Variants in NTMT1 observed in about 807,000 individuals in gnomAD.
The protein encoded by NTMT1 is N-terminal Xaa-Pro-Lys N-methyltransferase 1.
In NTMT1, 8 loss-of-function variants were observed where a neutral mutation model predicts 17.5. The observed-to-expected ratio is 0.46, with a 90% CI of 0.27 to 0.82. The LOEUF is 0.82. NTMT1 is among the 40% of genes least tolerant of loss of function. The pLI is 0.15. For synonymous variants in NTMT1, 128 were observed against 126.8 expected (o/e 1.01, Z -0.06); for missense variants, 221 against 303.5 (o/e 0.73, Z 2.02).
At chr9:129,612,567 C>T (rs1830143883) in intron 1 of NTMT1, 1 of 774,150 alleles carries the variant, frequency 1.3e-6, no homozygotes, top group Non-Finnish European at 2.1e-6. Context: ...CTGTCAGCCC[C>T]ATTTTAAAAG....
In NTMT1 at chr9:129,632,681, G is replaced by A; in HGVS notation, c.-23G>A. 1 of 1,613,128 alleles carries A rather than the reference G, an allele frequency of 6.2e-7. No homozygotes were observed. Among genetic ancestry groups the A allele is most frequent in the Non-Finnish European group, 8.5e-7 (1 of 1,179,204 alleles). On this transcript the variant is annotated 5_prime_UTR_variant, in exon 2 of 4. Coordinates refer to ENST00000372483, the MANE Select transcript of NTMT1 (RefSeq NM_014064.4). The stretch of plus-strand genomic sequence containing the variant: ...CGCGGTTGCTGATCGTGGTGCTTGA[G>A]TAGAGCCGTGGTTGGTGACAGCATG...
chr9:129,624,199 G>C (rs1830826539), upstream of NTMT1, among the ~76,000 whole-genome samples: 1 of 152,216 alleles, frequency 6.6e-6, no homozygotes, highest in Admixed American at 6.5e-5. Context: ...CAGAGGCTTT[G>C]AGGTCAGGGA....
At chr9:129,623,504 T>TCATA (rs974277304), upstream of NTMT1, among the ~76,000 whole-genome samples, 2 of 152,178 alleles carry the variant, frequency 1.3e-5, no homozygotes, top group African/African-American at 2.4e-5. Flanking sequence ...GAGAGGAAGC[T>TCATA]CATAGTATTG....
chr9:129,611,295 T>C (rs1830109460), intron 1 of NTMT1, among the ~76,000 whole-genome samples: 1 of 152,208 alleles, frequency 6.6e-6, no homozygotes, highest in South Asian at 2.1e-4. Context: ...TGGGGGCCAC[T>C]GACAGCTTCA....
intron 1 of NTMT1, among the ~76,000 whole-genome samples, chr9:129,632,388 G>A (rs1270128475): frequency 6.6e-6 from 1 of 152,180 alleles, no homozygotes; most frequent in East Asian, 1.9e-4. Flanking sequence ...AGGCTGCATT[G>A]AGCTATGATC....
At chr9:129,623,823 CTTTTCT>C (rs960014509), upstream of NTMT1, among the ~76,000 whole-genome samples, 26 of 107,818 alleles carry the variant, frequency 2.4e-4, 1 homozygote, top group African/African-American at 7.2e-4. Flanking sequence ...TTTTTCTTTT[CTTTTCT>C]TTTTTTTTTT....
rs374358828 is a variant in NTMT1, at chr9:129,609,888, G to A, written c.-55+710G>A. ...ACCCCGTGAGAGGCCGTGTATGTGTGAGGTCGGCCTGTGTTCACCGGCTGT... is the reference window on the plus strand; with the variant it reads ...ACCCCGTGAGAGGCCGTGTATGTGTAAGGTCGGCCTGTGTTCACCGGCTGT... On this transcript the variant is annotated intron_variant, in intron 1 of 3. Transcript: ENST00000372486. 9.9e-5 allele frequency among the ~76,000 whole-genome samples: 15 copies of A among 152,118 alleles called. No individual in the cohort carries two copies. In the South Asian group the frequency reaches 2.5e-3, roughly 25 times the overall value.
chr9:129,615,330 AAGGAGGCCAGTTC>A (rs1830309979), intron 1 of NTMT1, among the ~76,000 whole-genome samples: 1 of 152,170 alleles, frequency 6.6e-6, no homozygotes, highest in Non-Finnish European at 1.5e-5. Flanking sequence ...GACATCCTCC[AAGGAGGCCAGTTC>A]AGGCACATCC....
chr9:129,627,370 T>G (rs1292145774), intron 1 of NTMT1, among the ~76,000 whole-genome samples: 1 of 152,174 alleles, frequency 6.6e-6, no homozygotes, highest in African/African-American at 2.4e-5. Context: ...CAATACAGCT[T>G]CTGTGGCATT....
intron 1 of NTMT1, among the ~76,000 whole-genome samples, chr9:129,610,959 A>C (rs999472036): frequency 2.0e-5 from 3 of 152,158 alleles, no homozygotes; most frequent in African/African-American, 7.2e-5. Context: ...CCTTCCTTCC[A>C]GTTACCTCCA....
At chr9:129,611,566 C>A (rs552475898) in intron 1 of NTMT1, among the ~76,000 whole-genome samples, 2 of 152,258 alleles carry the variant, frequency 1.3e-5, no homozygotes, top group Admixed American at 1.3e-4. Flanking sequence ...CTTCCCTCGG[C>A]TGGAGTCTGG....
chr9:129,610,771 G>C (rs1488121373), intron 1 of NTMT1, among the ~76,000 whole-genome samples: 7 of 152,184 alleles, frequency 4.6e-5, no homozygotes, highest in Non-Finnish European at 8.8e-5. Flanking sequence ...GCGACCCTTG[G>C]GGTAAACTGA....
chr9:129,620,458 C>A lies in NTMT1; in HGVS notation c.-55+11280C>A. On this transcript the variant is annotated intron_variant, in intron 1 of 3. Transcript: ENST00000372486. This position sits in a 1 kb window ranked among gnomAD's most constrained non-coding sequence, Gnocchi z 5.8. ...CCCGCGCGCCCAGAGCCGCTCGGAG[C>A]GCGGGCGGGGTCAGCTTGGGCAGCC... The A allele has an allele frequency of 1.5e-6, 2 of 1,330,090 alleles. No individual in the cohort carries two copies. The highest frequency in any genetic ancestry group is 3.5e-5 in the Admixed American group (1 of 28,698). 82.4% of individuals were successfully genotyped at this position (1,330,090 alleles called of 1,614,324 possible). A position where few individuals can be genotyped will look rare whatever the true frequency, so the allele number is the denominator to read the frequency against.
rs201998020 is a variant in NTMT1 at position 129,632,659 on chromosome 9, G to T, written c.-45G>T. ...CCCCTTCCTTACCCAGGAGAGTCGC[G>T]GTTGCTGATCGTGGTGCTTGAGTAG... On this transcript the variant is annotated 5_prime_UTR_variant, in exon 2 of 4. Coordinates refer to ENST00000372483, the MANE Select transcript of NTMT1 (RefSeq NM_014064.4). 395 of 1,607,526 alleles carry T rather than the reference G, an allele frequency of 2.5e-4. No homozygotes were observed. Among genetic ancestry groups the T allele is most frequent in the Admixed American group, 1.9e-3 (114 of 59,840 alleles).
chr9:129,615,551 G>C (rs1329263599), intron 1 of NTMT1: 9 of 1,610,760 alleles, frequency 5.6e-6, no homozygotes, highest in Non-Finnish European at 7.6e-6. Context: ...ATCGCACCCG[G>C]AAAGGGCAAC....
At chr9:129,633,930 C>A in intron 2 of NTMT1, 124 bp from the exon 3 acceptor site, 2 of 1,135,798 alleles carry the variant, frequency 1.8e-6, no homozygotes, top group Non-Finnish European at 2.5e-6. Context: ...GACCTCCCCA[C>A]CAGTGCTCAG....
At chr9:129,622,532 GT>G (rs1564341558), upstream of NTMT1, among the ~76,000 whole-genome samples, 5 of 152,068 alleles carry the variant, frequency 3.3e-5, no homozygotes, top group Admixed American at 1.3e-4. Flanking sequence ...TGGGTGCTAG[GT>G]GTGCTTCTTG....
intron 1 of NTMT1, among the ~76,000 whole-genome samples, chr9:129,621,075 G>A (rs765685744): frequency 3.9e-5 from 6 of 152,242 alleles, no homozygotes; most frequent in African/African-American, 7.2e-5. Context: ...GCCGTGAAAC[G>A]GCATCACCGC....
chr9:129,633,811 C>T, intron 2 of NTMT1: 1 of 482,972 alleles, frequency 2.1e-6, no homozygotes, highest in East Asian at 3.5e-5. Context: ...CCAACCTGAA[C>T]AGAATGCAGA....
Sources: gnomAD v4.1 joint callset for allele counts (sites outside exome capture counted in the v4.1 genomes callset) on GRCh38, gnomAD v4.1.1 for gene constraint, Gnocchi (gnomAD v3.1) non-coding constraint, MANE v1.5 for transcripts, NCBI Gene and HGNC (gene_info 2026-07-23, HGNC 2026-07-21) for gene names.